The following TMEM114 variants were observed in gnomAD, a reference collection of about 807,000 sequenced individuals.
The protein encoded by TMEM114 is transmembrane protein 114, also known as claudin-26.
Under a neutral mutation model 6.2 loss-of-function variants are expected in TMEM114, and 6 were observed. That is an observed-to-expected ratio of 0.97 (90% confidence interval 0.53 to 1.91). TMEM114 has a LOEUF of 1.91. Ranked by LOEUF, TMEM114 falls within the 40% of genes most tolerant of loss-of-function variation. The pLI is 0.01. For missense variants in TMEM114, 218 were observed against 158.3 expected (o/e 1.38, Z -2.02); for synonymous variants, 104 against 73.0 (o/e 1.42, Z -2.16).
chr16:8,554,515 G>T (rs34167323), intron 2 of TMEM114, among the ~76,000 whole-genome samples: 2 of 151,716 alleles, frequency 1.3e-5, no homozygotes, highest in African/African-American at 4.8e-5. Flanking sequence ...GGAATCATAC[G>T]TGTGACACTT....
intron 2 of TMEM114, among the ~76,000 whole-genome samples, chr16:8,562,060 G>A (rs1020968627): frequency 6.6e-6 from 1 of 151,290 alleles, no homozygotes; most frequent in Non-Finnish European, 1.5e-5. Flanking sequence ...GAGTGAATGA[G>A]TGAGTAAATG....
intron 2 of TMEM114, among the ~76,000 whole-genome samples, chr16:8,585,328 G>C (rs1245769584): frequency 6.6e-6 from 1 of 152,144 alleles, no homozygotes; most frequent in African/African-American, 2.4e-5. Flanking sequence ...TTAGATCATG[G>C]GACTTCCCTA....
At chr16:8,572,387 A>T in intron 2 of TMEM114, 163 bp from the exon 3 acceptor site, 1 of 768,876 alleles carries the variant, frequency 1.3e-6, no homozygotes, top group Non-Finnish European at 2.1e-6. Context: ...GATGACCATG[A>T]CAACAGTGGT....
At chr16:8,546,818 C>T (rs1900682002) in intron 2 of TMEM114, among the ~76,000 whole-genome samples, 1 of 152,224 alleles carries the variant, frequency 6.6e-6, no homozygotes, top group African/African-American at 2.4e-5. Context: ...TCGCTCTCCT[C>T]TATCTTCCTT....
At chr16:8,557,896 C>G (rs181110515) in intron 2 of TMEM114, among the ~76,000 whole-genome samples, 1 of 152,304 alleles carries the variant, frequency 6.6e-6, no homozygotes, top group Admixed American at 6.5e-5. Context: ...TGACAAACCA[C>G]CACAAATTAG....
chr16:8,528,973 T>C, the TMEM114 span, among the ~76,000 whole-genome samples: 3 of 152,196 alleles, frequency 2.0e-5, no homozygotes, highest in Non-Finnish European at 2.9e-5. Flanking sequence ...AGACTCTAGA[T>C]CTTGTCTATT....
chr16:8,558,847 TCTC>T (rs1364976069), intron 2 of TMEM114, among the ~76,000 whole-genome samples: 1 of 150,762 alleles, frequency 6.6e-6, no homozygotes, highest in Non-Finnish European at 1.5e-5. Flanking sequence ...TTCAAGCAAT[TCTC>T]CTGCCTCAGC....
intron 3 of TMEM114, among the ~76,000 whole-genome samples, chr16:8,570,253 G>C (rs1044074195): frequency 1.3e-5 from 2 of 152,216 alleles, no homozygotes; most frequent in African/African-American, 2.4e-5. Context: ...TGCCTGAGCA[G>C]TGATTCCACA....
At chr16:8,541,260 C>T (rs892672702) in intron 2 of TMEM114, among the ~76,000 whole-genome samples, 3 of 152,248 alleles carry the variant, frequency 2.0e-5, no homozygotes, top group African/African-American at 4.8e-5. Context: ...GGACGTGAAC[C>T]ACTTATGTCT....
chr16:8,540,313 C>G (rs371243674), intron 2 of TMEM114, among the ~76,000 whole-genome samples: 13 of 152,148 alleles, frequency 8.5e-5, no homozygotes, highest in African/African-American at 2.2e-4. Context: ...GGTAGGAGCT[C>G]TGGAGTCCAG....
chr16:8,550,632 C>A (rs907554591), intron 2 of TMEM114, among the ~76,000 whole-genome samples: 8 of 151,232 alleles, frequency 5.3e-5, no homozygotes, highest in African/African-American at 1.9e-4. Flanking sequence ...GAGCTGAGAT[C>A]GCACCATTGC....
At chr16:8,582,312 C>T (rs1407418447) in intron 2 of TMEM114, among the ~76,000 whole-genome samples, 1 of 152,070 alleles carries the variant, frequency 6.6e-6, no homozygotes, top group Non-Finnish European at 1.5e-5. Flanking sequence ...ACAGGAAGTG[C>T]TCTGAAGAAG....
At chr16:8,536,374 C>A (rs1408372784), downstream of TMEM114, among the ~76,000 whole-genome samples, 1 of 152,200 alleles carries the variant, frequency 6.6e-6, no homozygotes, top group African/African-American at 2.4e-5. Flanking sequence ...AACTTCACCA[C>A]ACCTTGACGT....
At chr16:8,562,584 A>ATAAGTAAGTGAATGAG (rs1901290388) in intron 2 of TMEM114, among the ~76,000 whole-genome samples, 1 of 25,498 alleles carries the variant, frequency 3.9e-5, no homozygotes. Flanking sequence ...GAGTGAGGAA[A>ATAAGTAAGTGAATGAG]TAAGTAAGTG....
intron 2 of TMEM114, among the ~76,000 whole-genome samples, chr16:8,573,886 CAA>C (rs1351228272): frequency 6.6e-6 from 1 of 152,106 alleles, no homozygotes; most frequent in African/African-American, 2.4e-5. Flanking sequence ...AGCTCTTTGG[CAA>C]AGAGGATCTT....
Position 8,569,736 on chromosome 16 carries a change from A to G in TMEM114, c.*37T>C. On this transcript the variant is annotated 3_prime_UTR_variant, in exon 4 of 4. Transcript: ENST00000620492. Reference sequence around the variant, plus strand: ...GATCGGTCGGTGAAGCTCCGGGGCCAAGCCCCTCCCTCCCCTCCACGACCC... The same window carrying G: ...GATCGGTCGGTGAAGCTCCGGGGCCGAGCCCCTCCCTCCCCTCCACGACCC... The G allele has an allele frequency of 6.6e-7, 1 of 1,521,968 alleles. No individual in the cohort carries two copies. The highest frequency in any genetic ancestry group is 8.9e-7 in the Non-Finnish European group (1 of 1,128,672). The allele number at this position is 1,521,968 out of a possible 1,614,324, so 94.3% of individuals were successfully genotyped here.
At chr16:8,575,666 T>A (rs961794935) in intron 2 of TMEM114, among the ~76,000 whole-genome samples, 4 of 152,202 alleles carry the variant, frequency 2.6e-5, no homozygotes, top group Admixed American at 6.5e-5. Context: ...AGTTTTCTCA[T>A]CAGCTAAATG....
intron 2 of TMEM114, among the ~76,000 whole-genome samples, chr16:8,561,311 A>G (rs1318107003): frequency 6.6e-6 from 1 of 152,174 alleles, no homozygotes; most frequent in African/African-American, 2.4e-5. Flanking sequence ...TGGTCTCTCA[A>G]AAGACTGGAC....
chr16:8,581,304 A>G (rs1405834203), intron 2 of TMEM114, among the ~76,000 whole-genome samples: 1 of 152,218 alleles, frequency 6.6e-6, no homozygotes, highest in African/African-American at 2.4e-5. Flanking sequence ...TTTACAGGCT[A>G]TATAATATTC....
Sources: gnomAD v4.1 joint callset for allele counts (sites outside exome capture counted in the v4.1 genomes callset) on GRCh38, gnomAD v4.1.1 for gene constraint, MANE v1.5 for transcripts, NCBI Gene and HGNC (gene_info 2026-07-23, HGNC 2026-07-21) for gene names.